Variants in XPO5 observed in about 807,000 individuals in gnomAD.
XPO5 encodes exportin 5.
A neutral mutation model predicts 160.6 loss-of-function variants in XPO5; 46 were observed. That is an observed-to-expected ratio of 0.29 (90% CI 0.23 to 0.37). The LOEUF is 0.37. XPO5 is among the 10% of genes least tolerant of loss of function. The pLI is 1.00. For missense variants in XPO5, 1,090 were observed against 1,463.9 expected (o/e 0.74, Z 4.17); for synonymous variants, 537 against 519.3 (o/e 1.03, Z -0.46).
Position 43,526,737 on chromosome 6 carries a change from A to G in XPO5, c.2931T>C (p.Cys977=). 1.2e-6 allele frequency: 2 copies of G among 1,613,842 alleles called. No homozygotes were observed. Among genetic ancestry groups the G allele is most frequent in the Non-Finnish European group, 8.5e-7 (1 of 1,179,846 alleles). The change falls in exon 27 of 32, where the codon TGT becomes TGC. Residue 977 remains cysteine, a synonymous_variant. Transcript: ENST00000265351. ...TGTGGTCAGCACCCTTCTTTGAAACACAGCAAACCGCTAAAGCAAGAAAGC... is the reference window on the plus strand; with the variant it reads ...TGTGGTCAGCACCCTTCTTTGAAACGCAGCAAACCGCTAAAGCAAGAAAGC... The part of the protein sequence containing the change: ...REVMDLITVC[C]VSKKGADHSS...
At chr6:43,570,003 CTTTTTTTTTTT>C (rs35322286) in intron 5 of XPO5, among the ~76,000 whole-genome samples, 15 of 85,384 alleles carry the variant, frequency 1.8e-4, no homozygotes, top group South Asian at 8.9e-4. Flanking sequence ...AGATCCCTAT[CTTTTTTTTTTT>C]TTTTTTTTTT....
intron 1 of XPO5, among the ~76,000 whole-genome samples, chr6:43,574,574 T>C (rs758578795): frequency 6.6e-6 from 1 of 151,894 alleles, no homozygotes; most frequent in Non-Finnish European, 1.5e-5. Flanking sequence ...CGGCCAACAG[T>C]AGCCCTACTA....
Position 43,572,519 on chromosome 6 carries a change from T to G in XPO5, c.287A>C (p.Glu96Ala). The change falls in exon 3 of 32, where the codon GAG becomes GCG. Residue 96 changes from glutamate (E) to alanine (A), a missense_variant. This residue lies in a region of XPO5 where 170 missense variants were observed against 227.0 expected (regional missense o/e 0.75). Coordinates refer to ENST00000265351, the MANE Select transcript of XPO5 (RefSeq NM_020750.3). ...CCCATTCCTTACATTTGCAATCAGC[T>G]CCATGACACTGTTCTTCAGATACAC... ...EKVYLKNSVM[E>A]LIANGTLNIL... 1 of 1,613,920 alleles carries G rather than the reference T, an allele frequency of 6.2e-7. No individual in the cohort carries two copies. Among genetic ancestry groups the G allele is most frequent in the African/African-American group, 1.3e-5 (1 of 75,020 alleles).
At chr6:43,569,050 T>C (rs1260315514) in intron 5 of XPO5, among the ~76,000 whole-genome samples, 1 of 152,138 alleles carries the variant, frequency 6.6e-6, no homozygotes, top group African/African-American at 2.4e-5. Flanking sequence ...CCCAGCAGTC[T>C]GGGAGGCCAA....
chr6:43,539,081 G>T lies in XPO5; in HGVS notation c.2343-5074C>A, dbSNP rs145302309. 1.6e-4 allele frequency: 221 copies of T among 1,399,530 alleles called. No homozygotes were observed. The African/African-American group carries it at 2.7e-3, about 17-fold the overall frequency. 86.7% of individuals were successfully genotyped at this position (1,399,530 alleles called of 1,614,324 possible). A position where few individuals can be genotyped will look rare whatever the true frequency, so the allele number is the denominator to read the frequency against. On this transcript the variant is annotated intron_variant, in intron 20 of 31. Coordinates refer to ENST00000265351, the MANE Select transcript of XPO5 (RefSeq NM_020750.3). ...CATCATGAGCAGCTTCTTGGGCACA[G>T]GTGCGGAGACAATGCCAGTGCCCCT... is the stretch of plus-strand genomic sequence containing the variant.
rs1410642533 is a variant in XPO5 at position 43,570,484 on chromosome 6, G to T, written c.621+18C>A. ...CATATTGGAAAATAGAAATGTTATA[G>T]GTAGGGGTATCCCTTACCACTTGCT... is the stretch of plus-strand genomic sequence containing the variant. On this transcript the variant is annotated intron_variant, in intron 5 of 31. Coordinates refer to ENST00000265351, the MANE Select transcript of XPO5 (RefSeq NM_020750.3). 4 of 1,607,350 alleles carry T rather than the reference G, an allele frequency of 2.5e-6. No homozygotes were observed. The highest frequency in any genetic ancestry group is 3.4e-6 in the Non-Finnish European group (4 of 1,176,650).
intron 1 of XPO5, among the ~76,000 whole-genome samples, chr6:43,573,877 G>A (rs1198523354): frequency 6.9e-6 from 1 of 145,388 alleles, no homozygotes; most frequent in Non-Finnish European, 1.5e-5. Context: ...AGGCTGGAAT[G>A]CAATGGCATG....
At chr6:43,553,737 T>C in intron 13 of XPO5, 1 of 774,714 alleles carries the variant, frequency 1.3e-6, no homozygotes, top group Non-Finnish European at 1.8e-6. Context: ...CCTCTAACAA[T>C]GAGCGGTCTG....
chr6:43,546,814 T>G, intron 19 of XPO5, 62 bp from the exon 20 acceptor site: 1 of 1,418,066 alleles, frequency 7.1e-7, no homozygotes, highest in Non-Finnish European at 9.4e-7. Flanking sequence ...GACCAAATAC[T>G]GTTAGATATA....
At position 43,529,422 on chromosome 6, in the gene XPO5, C is replaced by T. The variant is rs369325487; in HGVS notation, c.2678-497G>A. 2.4e-3 allele frequency: 817 copies of T among 339,610 alleles called. 5 individuals are homozygous for T. The highest frequency in any genetic ancestry group is 0.012 in the South Asian group (528 of 43,494). 21.0% of individuals were successfully genotyped at this position (339,610 alleles called of 1,614,324 possible). ...AAAAAAAATTAGTCGGGCATGGGGG[C>T]GAGCGCCTGTAGTCCCAGCTACTCG... On this transcript the variant is annotated intron_variant, in intron 23 of 31. Coordinates refer to ENST00000265351, the MANE Select transcript of XPO5 (RefSeq NM_020750.3).
intron 31 of XPO5, 95 bp from the exon 32 acceptor site, chr6:43,524,100 C>A: frequency 6.6e-7 from 1 of 1,512,410 alleles, no homozygotes; most frequent in Admixed American, 2.1e-5. Context: ...CCTGTAATCC[C>A]AACACTTTTG....
At chr6:43,558,295 G>T (rs1197419889) in intron 12 of XPO5, among the ~76,000 whole-genome samples, 1 of 152,126 alleles carries the variant, frequency 6.6e-6, no homozygotes. Flanking sequence ...TCTAAGTGCT[G>T]TGGGGGTTTG....
chr6:43,570,349 CCAGT>C (rs1029961978), intron 5 of XPO5, among the ~76,000 whole-genome samples, 149 bp downstream of exon 5: 18 of 150,684 alleles, frequency 1.2e-4, no homozygotes, highest in African/African-American at 4.1e-4. Flanking sequence ...AAAATGAGCT[CCAGT>C]TTTTCTGTCA....
intron 14 of XPO5, among the ~76,000 whole-genome samples, chr6:43,552,303 C>G (rs186884140): frequency 6.6e-6 from 1 of 152,072 alleles, no homozygotes; most frequent in Non-Finnish European, 1.5e-5. Flanking sequence ...GGTGATCCAC[C>G]CACCTTAGCC....
rs777840486 is a variant in XPO5 at position 43,530,717 on chromosome 6, A to G, written c.2648T>C (p.Ile883Thr). The change falls in exon 23 of 32, where the codon ATT becomes ACT. Residue 883 changes from isoleucine (I) to threonine (T), a missense_variant. Physicochemically the swap from Ile to Thr is moderately conservative, Grantham distance 89. Around this residue, in one of 3 missense-constraint regions of XPO5, gnomAD observed 810 missense variants for 1,139.0 expected, o/e 0.71. Transcript: ENST00000265351. ...CATGGGTCTGAGTCGGTAGTCAGGA[A>G]TATTGTTCAAGTTGACAAAGGCTGA... ...LSSAFVNLNNIPDYRLRPMLR... is the reference protein window; with the variant it reads ...LSSAFVNLNNTPDYRLRPMLR... 1 of 1,614,014 alleles carries G rather than the reference A, an allele frequency of 6.2e-7. No individual in the cohort carries two copies. The highest frequency in any genetic ancestry group is 1.7e-5 in the Admixed American group (1 of 60,018).
At chr6:43,564,386 G>A (rs1435723120) in intron 8 of XPO5, among the ~76,000 whole-genome samples, 1 of 152,118 alleles carries the variant, frequency 6.6e-6, no homozygotes, top group Non-Finnish European at 1.5e-5. Flanking sequence ...AAAATTAGCT[G>A]GCCATGGTGG....
chr6:43,552,613 A>G (rs1055294559), intron 14 of XPO5, among the ~76,000 whole-genome samples: 10 of 152,104 alleles, frequency 6.6e-5, no homozygotes, highest in African/African-American at 2.4e-4. Flanking sequence ...TTGGCCTCCC[A>G]AAGTGCTGCG....
chr6:43,555,774 C>G, intron 13 of XPO5, 62 bp downstream of exon 13: 1 of 1,599,618 alleles, frequency 6.3e-7, no homozygotes, highest in East Asian at 2.2e-5. Context: ...GGCTCATTTC[C>G]TATATATAGT....
chr6:43,551,381 G>C lies in XPO5; in HGVS notation c.1645C>G (p.Leu549Val). The change falls in exon 15 of 32, where the codon CTG (leucine) becomes GTG (valine). Residue 549 changes from leucine (L) to valine (V), a missense_variant. Transcript: ENST00000265351. ...LNFDTKDPLI[L>V]SCVLTNVSAL... is the part of the protein sequence containing the mutation. ...GAGACATTAGTAAGGACGCAGGACAGGATGAGGGGATCCTTGGTATCAAAG... is the reference window on the plus strand; with the variant it reads ...GAGACATTAGTAAGGACGCAGGACACGATGAGGGGATCCTTGGTATCAAAG... 6.2e-7 allele frequency: 1 copy of C among 1,613,966 alleles called. No homozygotes were observed. Among genetic ancestry groups the C allele is most frequent in the Non-Finnish European group, 8.5e-7 (1 of 1,179,866 alleles).
Sources: allele counts gnomAD v4.1 joint callset (sites outside exome capture counted in the v4.1 genomes callset), GRCh38; gene constraint gnomAD v4.1.1; regional missense constraint gnomAD v4.1.1; transcripts MANE v1.5; gene names NCBI Gene and HGNC (gene_info 2026-07-23, HGNC 2026-07-21).